KCNH8: variants seen among roughly 807,000 people sequenced by gnomAD.
KCNH8 encodes the protein voltage-gated delayed rectifier potassium channel KCNH8.
A neutral mutation model predicts 103.6 loss-of-function variants in KCNH8; 70 were observed. The observed-to-expected ratio is 0.68, with a 90% CI of 0.56 to 0.82. The LOEUF is 0.82. Ranked by LOEUF, KCNH8 falls within the 40% of genes least tolerant of loss-of-function variation. The pLI, the probability that KCNH8 is intolerant of heterozygous loss-of-function variation, is 0.00. For missense variants in KCNH8, 1,217 were observed against 1,329.9 expected, an observed-to-expected ratio of 0.92 and a Z score of 1.32; for synonymous variants, 498 against 489.4, an observed-to-expected ratio of 1.02 and a Z score of -0.23.
intron 7 of KCNH8, among the ~76,000 whole-genome samples, chr3:19,420,422 A>T (rs1304258124): frequency 6.6e-6 from 1 of 152,168 alleles, no homozygotes. Flanking sequence ...GAATTCTGTC[A>T]AGGTTGGCTT....
At chr3:19,253,980 A>G (rs533263551) in intron 2 of KCNH8, 93 bp downstream of exon 2, 33 of 811,978 alleles carry the variant, frequency 4.1e-5, no homozygotes, top group South Asian at 3.6e-4. Context: ...TTAAGGCTTA[A>G]TGGCATTTCA....
chr3:19,171,266 A>G (rs1257419403), intron 1 of KCNH8, among the ~76,000 whole-genome samples: 3 of 152,232 alleles, frequency 2.0e-5, no homozygotes, highest in East Asian at 1.9e-4. Context: ...ATAAATAAAC[A>G]TAAGTTTTCA....
intron 2 of KCNH8, among the ~76,000 whole-genome samples, chr3:19,271,969 A>G (rs1427996492): frequency 6.6e-6 from 1 of 152,156 alleles, no homozygotes; most frequent in African/African-American, 2.4e-5. Flanking sequence ...AATATATGGC[A>G]TAACTTATCA....
intron 3 of KCNH8, among the ~76,000 whole-genome samples, chr3:19,316,150 G>A (rs761413523): frequency 2.0e-5 from 3 of 151,876 alleles, no homozygotes; most frequent in African/African-American, 4.8e-5. Context: ...TTTTAAGTTC[G>A]TGTAAAATTG....
intron 4 of KCNH8, among the ~76,000 whole-genome samples, chr3:19,344,324 G>A (rs1318477558): frequency 6.6e-6 from 1 of 152,034 alleles, no homozygotes; most frequent in Non-Finnish European, 1.5e-5. Flanking sequence ...AACATAGCAA[G>A]TATTAGTGAG....
chr3:19,486,191 G>A (rs1432617421), intron 11 of KCNH8, among the ~76,000 whole-genome samples: 4 of 152,192 alleles, frequency 2.6e-5, no homozygotes, highest in Non-Finnish European at 5.9e-5. Flanking sequence ...CTGAAGGTCA[G>A]GTCTGCTAGA....
At chr3:19,533,294 G>A in intron 15 of KCNH8, 101 bp from the exon 16 acceptor site, 8 of 707,174 alleles carry the variant, frequency 1.1e-5, no homozygotes, top group South Asian at 4.1e-5. Flanking sequence ...AGGAATAAAA[G>A]AAAACCGAAA....
intron 11 of KCNH8, among the ~76,000 whole-genome samples, chr3:19,500,195 C>T (rs1028158984): frequency 1.3e-5 from 2 of 152,062 alleles, no homozygotes; most frequent in African/African-American, 4.8e-5. Flanking sequence ...ACAAAGAACG[C>T]CATTACTTAA....
At chr3:19,450,081 T>G in intron 8 of KCNH8, 25 bp from the exon 9 acceptor site, 1 of 1,599,760 alleles carries the variant, frequency 6.3e-7, no homozygotes, top group Non-Finnish European at 8.6e-7. Context: ...TTCTCTTCCA[T>G]TATATACTGT....
intron 11 of KCNH8, among the ~76,000 whole-genome samples, chr3:19,470,670 G>A (rs2067836782): frequency 1.3e-5 from 2 of 152,250 alleles, no homozygotes; most frequent in South Asian, 4.1e-4. Context: ...GGGCTGAAGA[G>A]TTGAGATAAG....
At chr3:19,514,493 A>G (rs2068839734) in intron 13 of KCNH8, among the ~76,000 whole-genome samples, 1 of 152,048 alleles carries the variant, frequency 6.6e-6, no homozygotes, top group East Asian at 1.9e-4. Context: ...TAAAAAGAAT[A>G]TATGTTCTTT....
chr3:19,500,446 T>A (rs980021757), intron 11 of KCNH8, among the ~76,000 whole-genome samples: 1 of 151,992 alleles, frequency 6.6e-6, no homozygotes, highest in Non-Finnish European at 1.5e-5. Context: ...CTAATAGACA[T>A]CTACAGAACT....
At chr3:19,339,935 C>T (rs1252826108) in intron 3 of KCNH8, among the ~76,000 whole-genome samples, 1 of 151,952 alleles carries the variant, frequency 6.6e-6, no homozygotes, top group African/African-American at 2.4e-5. Flanking sequence ...ATTGAAGTCA[C>T]TAAGAGACTT....
At chr3:19,432,702 A>G (rs569475661) in intron 7 of KCNH8, among the ~76,000 whole-genome samples, 22 of 152,324 alleles carry the variant, frequency 1.4e-4, no homozygotes, top group African/African-American at 5.1e-4. Context: ...GCAACTACCC[A>G]TGAAATAAAT....
At chr3:19,349,179 T>A (rs998692635) in intron 5 of KCNH8, among the ~76,000 whole-genome samples, 3 of 152,128 alleles carry the variant, frequency 2.0e-5, no homozygotes, top group African/African-American at 7.2e-5. Context: ...TTAATTTTTT[T>A]ATTTTAAAAT....
At chr3:19,233,348 T>C (rs906673120) in intron 1 of KCNH8, among the ~76,000 whole-genome samples, 1 of 152,128 alleles carries the variant, frequency 6.6e-6, no homozygotes. Flanking sequence ...AAAATGCATG[T>C]AGTGTTTTTA....
At chr3:19,461,790 A>G (rs1376924894) in intron 11 of KCNH8, among the ~76,000 whole-genome samples, 1 of 151,990 alleles carries the variant, frequency 6.6e-6, no homozygotes, top group Admixed American at 6.6e-5. Flanking sequence ...TACATTAGGT[A>G]TTTCTCCTAA....
intron 6 of KCNH8, among the ~76,000 whole-genome samples, chr3:19,393,424 C>T (rs1345843864): frequency 2.0e-5 from 3 of 152,040 alleles, no homozygotes; most frequent in Admixed American, 1.3e-4. Context: ...CTATTGTTCT[C>T]ATGTACAAGC....
intron 3 of KCNH8, among the ~76,000 whole-genome samples, chr3:19,284,508 GGTGTGTGTGTGTGT>G (rs66509260): frequency 4.7e-4 from 64 of 136,622 alleles, no homozygotes; most frequent in African/African-American, 1.5e-3. Flanking sequence ...TGGATCTGCT[GGTGTGTGTGTGTGT>G]GTGTGTGTGT....
Sources: gnomAD v4.1 joint callset for allele counts (sites outside exome capture counted in the v4.1 genomes callset) on GRCh38, gnomAD v4.1.1 for gene constraint, MANE v1.5 for transcripts, NCBI Gene and HGNC (gene_info 2026-07-23, HGNC 2026-07-21) for gene names.